TLE4: variants seen among roughly 807,000 people sequenced by gnomAD.
The protein encoded by TLE4 is TLE family member 4, transcriptional corepressor.
In TLE4, 8 loss-of-function variants were observed where a neutral mutation model predicts 92.8. The ratio of observed to expected loss-of-function variants is 0.09; its 90% confidence interval spans 0.05 to 0.16. The LOEUF is 0.16. TLE4 is among the 10% of genes least tolerant of loss of function. The pLI, the probability that TLE4 is intolerant of heterozygous loss-of-function variation, is 1.00. For missense variants in TLE4, 675 were observed against 997.6 expected (o/e 0.68, Z 4.36); for synonymous variants, 371 against 374.1 (o/e 0.99, Z 0.10).
At chr9:79,613,372 A>G (rs766172087) in intron 5 of TLE4, among the ~76,000 whole-genome samples, 6 of 152,106 alleles carry the variant, frequency 3.9e-5, no homozygotes, top group Non-Finnish European at 7.4e-5. Context: ...AGTGCATGCC[A>G]TCAGCAAACA....
intron 4 of TLE4, among the ~76,000 whole-genome samples, chr9:79,583,557 G>T (rs1217455014): frequency 6.6e-6 from 1 of 152,128 alleles, no homozygotes; most frequent in African/African-American, 2.4e-5. Context: ...CAGCAACCTA[G>T]GCAAAGTGAG....
At chr9:79,704,938 C>T in intron 9 of TLE4, 36 bp downstream of exon 9, 1 of 1,610,580 alleles carries the variant, frequency 6.2e-7, no homozygotes, top group Non-Finnish European at 8.5e-7. Context: ...GGGAGGCCAG[C>T]TTGCCTTTTT....
At chr9:79,722,892 T>C (rs2075864153) in intron 18 of TLE4, 67 bp from the exon 19 acceptor site, 2 of 1,459,258 alleles carry the variant, frequency 1.4e-6, no homozygotes, top group Non-Finnish European at 1.9e-6. Context: ...TGGTGTTCTA[T>C]AAAGCAAATC....
chr9:79,613,402 C>T (rs73652220), intron 5 of TLE4, among the ~76,000 whole-genome samples: 5,625 of 152,088 alleles, frequency 0.037, 288 homozygotes, highest in African/African-American at 0.12. Flanking sequence ...TGGAATAAAG[C>T]GATGCATTTC....
At chr9:79,660,554 A>G (rs961990512) in intron 8 of TLE4, among the ~76,000 whole-genome samples, 2 of 152,052 alleles carry the variant, frequency 1.3e-5, no homozygotes, top group African/African-American at 4.8e-5. Context: ...TTGCTTTTTA[A>G]TTATTTGTTT....
chr9:79,626,059 C>T (rs1282080691), intron 5 of TLE4, among the ~76,000 whole-genome samples: 2 of 152,004 alleles, frequency 1.3e-5, no homozygotes, highest in Admixed American at 6.6e-5. Flanking sequence ...TCCCATTAGT[C>T]ATAGACACAA....
chr9:79,627,741 C>CA (rs1175354547), intron 6 of TLE4: 11,191 of 266,360 alleles, frequency 0.042, 99 homozygotes, highest in African/African-American at 0.068. Flanking sequence ...TAACCTAGGC[C>CA]AAAAAAAAAA....
chr9:79,640,117 T>G (rs540732717), intron 6 of TLE4, among the ~76,000 whole-genome samples: 1 of 152,106 alleles, frequency 6.6e-6, no homozygotes, highest in African/African-American at 2.4e-5. Context: ...CCCTGGAAAT[T>G]TGGAACATAA....
intron 6 of TLE4, among the ~76,000 whole-genome samples, chr9:79,629,475 T>G (rs901327443): frequency 2.0e-5 from 3 of 152,188 alleles, no homozygotes; most frequent in Non-Finnish European, 4.4e-5. Context: ...TACTGACATA[T>G]TGTGTTTATA....
At chr9:79,612,523 A>C (rs1452852438) in intron 4 of TLE4, 133 bp from the exon 5 acceptor site, 2 of 756,286 alleles carry the variant, frequency 2.6e-6, no homozygotes, top group Non-Finnish European at 4.6e-6. Context: ...CTGATGAGAT[A>C]GTTTTCCTCT....
chr9:79,708,370 GT>G, intron 12 of TLE4, 120 bp downstream of exon 12: 12 of 1,294,188 alleles, frequency 9.3e-6, no homozygotes, highest in Non-Finnish European at 1.3e-5. Context: ...GTTAGACAAA[GT>G]TACTTAACCT....
intron 8 of TLE4, among the ~76,000 whole-genome samples, chr9:79,681,496 A>G (rs916949205): frequency 5.9e-5 from 9 of 152,136 alleles, no homozygotes; most frequent in Non-Finnish European, 7.4e-5. Context: ...GTGACAGCAT[A>G]CATGCCTGGT....
At chr9:79,642,772 A>G (rs191418390) in intron 6 of TLE4, among the ~76,000 whole-genome samples, 41 of 152,262 alleles carry the variant, frequency 2.7e-4, no homozygotes, top group Admixed American at 1.1e-3. Flanking sequence ...AGTTAGGACA[A>G]TGGAGCCGCT....
intron 8 of TLE4, among the ~76,000 whole-genome samples, chr9:79,679,784 A>G (rs866544241): frequency 0.022 from 3,309 of 151,362 alleles, 115 homozygotes; most frequent in African/African-American, 0.075. Flanking sequence ...ATCTTGAATT[A>G]ATTTTTGTGT....
intron 19 of TLE4, among the ~76,000 whole-genome samples, chr9:79,723,719 T>C (rs1264353528): frequency 1.3e-5 from 2 of 152,206 alleles, no homozygotes; most frequent in African/African-American, 4.8e-5. Context: ...ACTTGCAGTT[T>C]TCTTGACCAA....
intron 14 of TLE4, among the ~76,000 whole-genome samples, chr9:79,713,980 C>T (rs938618632): frequency 2.6e-5 from 4 of 152,118 alleles, no homozygotes; most frequent in Non-Finnish European, 4.4e-5. Flanking sequence ...TCACATGCCT[C>T]GGCCTCCCAA....
intron 8 of TLE4, among the ~76,000 whole-genome samples, chr9:79,669,718 C>T (rs2061959996): frequency 6.6e-6 from 1 of 152,108 alleles, no homozygotes; most frequent in Admixed American, 6.5e-5. Context: ...TGTAATTGTG[C>T]TTGTTCCAGT....
intron 8 of TLE4, among the ~76,000 whole-genome samples, chr9:79,661,216 C>A (rs780692587): frequency 3.3e-5 from 5 of 152,166 alleles, no homozygotes; most frequent in Non-Finnish European, 5.9e-5. Flanking sequence ...TCCAAAGAAT[C>A]GTTCACCATC....
intron 4 of TLE4, among the ~76,000 whole-genome samples, chr9:79,587,502 T>C (rs1264169560): frequency 6.6e-6 from 1 of 152,252 alleles, no homozygotes; most frequent in African/African-American, 2.4e-5. Flanking sequence ...AATTCATCCC[T>C]ACTTCCATTG....
Sources: gnomAD v4.1 joint callset for allele counts (sites outside exome capture counted in the v4.1 genomes callset) on GRCh38, gnomAD v4.1.1 for gene constraint, MANE v1.5 for transcripts, NCBI Gene and HGNC (gene_info 2026-07-23, HGNC 2026-07-21) for gene names.